The following ETV1 variants were observed in gnomAD, a reference collection of about 807,000 sequenced individuals.
ETV1 encodes ETS variant transcription factor 1.
In ETV1, 27 loss-of-function variants were observed where a neutral mutation model predicts 62.3. The observed-to-expected ratio is 0.43, with a 90% confidence interval of 0.32 to 0.60. ETV1 has a LOEUF of 0.60. Ranked by LOEUF, ETV1 falls within the 20% of genes least tolerant of loss-of-function variation. The pLI is 0.06. For missense variants in ETV1, 605 were observed against 605.8 expected (o/e 1.00, Z 0.01); for synonymous variants, 222 against 199.6 (o/e 1.11, Z -0.94).
chr7:13,964,430 G>GGGAT (rs1790541944), intron 6 of ETV1, among the ~76,000 whole-genome samples: 1 of 151,946 alleles, frequency 6.6e-6, no homozygotes, highest in Non-Finnish European at 1.5e-5. Flanking sequence ...AAAGTTCTGG[G>GGGAT]GGATAAATGG....
At chr7:13,972,300 T>G (rs571180094) in intron 6 of ETV1, among the ~76,000 whole-genome samples, 2 of 151,868 alleles carry the variant, frequency 1.3e-5, no homozygotes, top group South Asian at 4.2e-4. Flanking sequence ...GGCATGGTGG[T>G]GCGTGCCTGT....
At chr7:13,962,393 T>C (rs2128484313) in intron 6 of ETV1, among the ~76,000 whole-genome samples, 1 of 152,164 alleles carries the variant, frequency 6.6e-6, no homozygotes, top group East Asian at 1.9e-4. Flanking sequence ...TACAGTACAA[T>C]GTACTCAGTC....
At chr7:13,984,281 A>G (rs1782313039) in intron 5 of ETV1, among the ~76,000 whole-genome samples, 1 of 151,968 alleles carries the variant, frequency 6.6e-6, no homozygotes, top group Non-Finnish European at 1.5e-5. Flanking sequence ...ATGAAAAGAA[A>G]TATGTAAACG....
intron 6 of ETV1, among the ~76,000 whole-genome samples, chr7:13,960,348 A>G (rs186994389): frequency 6.6e-6 from 1 of 152,274 alleles, no homozygotes; most frequent in Non-Finnish European, 1.5e-5. Flanking sequence ...TAAAAACAGT[A>G]CATAAATTAA....
At chr7:13,988,435 A>T (rs1215611561) in intron 3 of ETV1, 3 of 582,174 alleles carry the variant, frequency 5.2e-6, no homozygotes, top group Non-Finnish European at 8.9e-6. Flanking sequence ...TCATATATTC[A>T]TGGTATCTCA....
chr7:13,984,267 C>T lies in ETV1; in HGVS notation c.181+2371G>A, dbSNP rs1312202986. 2.0e-5 allele frequency among the ~76,000 whole-genome samples: 3 copies of T among 151,818 alleles called. No homozygotes were observed. In the East Asian group the frequency reaches 5.8e-4, roughly 29 times the overall value. Reference sequence around the variant, plus strand: ...CATGGTCACTTTCTTGGCTATGGAGCATTATGAAAAGAAATATGTAAACGG... The same window carrying T: ...CATGGTCACTTTCTTGGCTATGGAGTATTATGAAAAGAAATATGTAAACGG... On this transcript the variant is annotated intron_variant, in intron 5 of 13. Transcript: ENST00000430479.
chr7:13,892,348 G>A lies in ETV1; in HGVS notation c.*3518C>T, dbSNP rs765433394. 6.5e-5 allele frequency: 15 copies of A among 232,496 alleles called. No individual in the cohort carries two copies. The highest frequency in any genetic ancestry group is 2.8e-4 in the Admixed American group (5 of 17,758). The allele number at this position is 232,496 out of a possible 1,614,324, so 14.4% of individuals were successfully genotyped here. A position where few individuals can be genotyped will look rare whatever the true frequency, so the allele number is the denominator to read the frequency against. The stretch of plus-strand genomic sequence containing the variant: ...CTTGATGTGATTACCAGACATTTTA[G>A]TGGAATAGTTGAAATTTAATATAGA... On this transcript the variant is annotated 3_prime_UTR_variant, in exon 14 of 14. Transcript: ENST00000430479.
Position 13,894,038 on chromosome 7 carries a change from C to T in ETV1, c.*1828G>A, listed in dbSNP as rs1583535260. 1 of 232,752 alleles carries T rather than the reference C, an allele frequency of 4.3e-6. No homozygotes were observed. Among genetic ancestry groups the T allele is most frequent in the African/African-American group, 2.2e-5 (1 of 45,294 alleles). The allele number at this position is 232,752 out of a possible 1,614,324, so 14.4% of individuals were successfully genotyped here. On this transcript the variant is annotated 3_prime_UTR_variant, in exon 14 of 14. Transcript: ENST00000430479. ...TAACTGCTCCACTTAGAGAAATGAG[C>T]TGTGATCTGTGTAGTTTTGGAAAAT...
chr7:13,937,258 A>G (rs1786908223), intron 7 of ETV1, among the ~76,000 whole-genome samples: 1 of 152,244 alleles, frequency 6.6e-6, no homozygotes. Flanking sequence ...AACAGTGTTC[A>G]TATAATGAAT....
intron 8 of ETV1, among the ~76,000 whole-genome samples, chr7:13,932,599 G>T (rs896843225): frequency 2.0e-5 from 3 of 152,124 alleles, no homozygotes; most frequent in African/African-American, 4.8e-5. Flanking sequence ...ATGCCTCTTT[G>T]TTCTTGGTTA....
At chr7:13,920,718 C>T (rs1784748175) in intron 9 of ETV1, among the ~76,000 whole-genome samples, 1 of 152,132 alleles carries the variant, frequency 6.6e-6, no homozygotes, top group Admixed American at 6.5e-5. Flanking sequence ...ATCACTAGAG[C>T]CAATGCCACT....
At chr7:13,934,951 AAAG>A (rs781430590) in intron 8 of ETV1, among the ~76,000 whole-genome samples, 4 of 152,216 alleles carry the variant, frequency 2.6e-5, no homozygotes, top group Non-Finnish European at 4.4e-5. Context: ...CAGAAGAGAT[AAAG>A]AAGGAGAGAT....
chr7:13,966,735 G>C (rs1157962798), intron 6 of ETV1, among the ~76,000 whole-genome samples: 1 of 152,108 alleles, frequency 6.6e-6, no homozygotes, highest in African/African-American at 2.4e-5. Context: ...ATCAGAGTCT[G>C]AATACACAGT....
rs1328046353 is a variant in ETV1, at chr7:13,895,194, T to C, written c.*672A>G. On this transcript the variant is annotated 3_prime_UTR_variant, in exon 14 of 14. Transcript: ENST00000430479. ...CTCAGTTTGGCGCCAGAGTCCAAAA[T>C]TGTGCCCCTCATTTACAGTCATGGT... 4 of 233,426 alleles carry C rather than the reference T, an allele frequency of 1.7e-5. No individual in the cohort carries two copies. The highest frequency in any genetic ancestry group is 8.8e-5 in the African/African-American group (4 of 45,326). 14.5% of individuals were successfully genotyped at this position (233,426 alleles called of 1,614,324 possible).
chr7:13,925,773 G>GTC (rs1372848548), intron 9 of ETV1, among the ~76,000 whole-genome samples: 5 of 151,544 alleles, frequency 3.3e-5, no homozygotes, highest in African/African-American at 1.2e-4. Flanking sequence ...TTTCACCGTG[G>GTC]TCTTGATCTC....
At chr7:13,987,993 A>G in intron 4 of ETV1, 93 bp downstream of exon 4, 1 of 720,674 alleles carries the variant, frequency 1.4e-6, no homozygotes, top group East Asian at 2.5e-5. Flanking sequence ...AAAGTTTATT[A>G]TTTTTAAGAT....
At chr7:13,910,571 A>G (rs1389079805) in intron 10 of ETV1, 2 of 359,056 alleles carry the variant, frequency 5.6e-6, no homozygotes, top group African/African-American at 4.4e-5. Flanking sequence ...GACCTAGCCT[A>G]AAAGAATGCA....
intron 6 of ETV1, among the ~76,000 whole-genome samples, chr7:13,965,608 T>C (rs1790693351): frequency 6.6e-6 from 1 of 152,186 alleles, no homozygotes; most frequent in South Asian, 2.1e-4. Flanking sequence ...TATTTGATTA[T>C]TTTATGCCCT....
chr7:13,982,779 A>G (rs998339754), intron 5 of ETV1, among the ~76,000 whole-genome samples: 20 of 152,108 alleles, frequency 1.3e-4, no homozygotes, highest in Non-Finnish European at 2.9e-4. Context: ...CAAGTGGGGG[A>G]AAATAATTCA....
Sources: allele counts gnomAD v4.1 joint callset (sites outside exome capture counted in the v4.1 genomes callset), GRCh38; gene constraint gnomAD v4.1.1; transcripts MANE v1.5; gene names NCBI Gene and HGNC (gene_info 2026-07-23, HGNC 2026-07-21).